The following HDAC4 variants were observed in gnomAD, a reference collection of about 807,000 sequenced individuals.
HDAC4 encodes the protein histone deacetylase 4, also known as histone deacetylase A.
In HDAC4, 16 loss-of-function variants were observed where a neutral mutation model predicts 135.1. The observed-to-expected ratio is 0.12, with a 90% CI of 0.08 to 0.18. The LOEUF (loss-of-function observed/expected upper bound fraction) is 0.18. HDAC4 is among the 10% of genes least tolerant of loss of function. The pLI is 1.00. For missense variants in HDAC4, 1,143 were observed against 1,511.8 expected, an observed-to-expected ratio of 0.76 and a Z score of 4.05; for synonymous variants, 685 against 653.4, an observed-to-expected ratio of 1.05 and a Z score of -0.74.
intron 2 of HDAC4, among the ~76,000 whole-genome samples, chr2:239,348,589 C>G (rs983998698): frequency 2.6e-5 from 4 of 152,244 alleles, no homozygotes; most frequent in Admixed American, 2.0e-4. Flanking sequence ...AGCAGGCCCC[C>G]GTGGGCTTTC....
chr2:239,232,149 C>T (rs928865344), intron 3 of HDAC4, among the ~76,000 whole-genome samples: 2 of 152,286 alleles, frequency 1.3e-5, no homozygotes, highest in Non-Finnish European at 2.9e-5. Flanking sequence ...GAACCCAACA[C>T]CCACCACTTT....
At chr2:239,359,465 G>A (rs963957741) in intron 1 of HDAC4, among the ~76,000 whole-genome samples, 2 of 152,228 alleles carry the variant, frequency 1.3e-5, no homozygotes, top group African/African-American at 2.4e-5. Flanking sequence ...CCTCTGCGCT[G>A]AGGGAAGCAG....
At chr2:239,398,938 T>G (rs1401049736) in intron 1 of HDAC4, among the ~76,000 whole-genome samples, 1 of 150,628 alleles carries the variant, frequency 6.6e-6, no homozygotes, top group Non-Finnish European at 1.5e-5. Context: ...TCTTTTCTAA[T>G]TGATTACTGC....
chr2:239,237,524 GT>G (rs2047950821), intron 2 of HDAC4, among the ~76,000 whole-genome samples: 1 of 151,106 alleles, frequency 6.6e-6, no homozygotes, highest in African/African-American at 2.4e-5. Context: ...ATGGAACTCT[GT>G]AGATACAAGT....
intron 2 of HDAC4, among the ~76,000 whole-genome samples, chr2:239,242,751 T>G (rs1188139621): frequency 6.6e-6 from 1 of 152,224 alleles, no homozygotes; most frequent in African/African-American, 2.4e-5. Context: ...CTGGAAAGTG[T>G]ATTGCTTGCT....
intron 2 of HDAC4, among the ~76,000 whole-genome samples, chr2:239,347,796 T>C (rs370628931): frequency 1.8e-4 from 28 of 152,346 alleles, no homozygotes; most frequent in African/African-American, 6.3e-4. Flanking sequence ...ATTACAGGTT[T>C]GAGCCACCGC....
chr2:239,385,174 A>C (rs1461807030), intron 1 of HDAC4, among the ~76,000 whole-genome samples: 1 of 152,122 alleles, frequency 6.6e-6, no homozygotes, highest in East Asian at 1.9e-4. Context: ...CTTTGCGTGG[A>C]GGCCCTCTCC....
chr2:239,185,553 T>C (rs1488639670), intron 4 of HDAC4, among the ~76,000 whole-genome samples: 2 of 151,976 alleles, frequency 1.3e-5, no homozygotes, highest in Non-Finnish European at 2.9e-5. Context: ...TGGGGAGAGA[T>C]GCACCCTGAG....
chr2:239,175,847 A>C (rs1234219967), intron 5 of HDAC4, among the ~76,000 whole-genome samples: 1 of 152,218 alleles, frequency 6.6e-6, no homozygotes, highest in Non-Finnish European at 1.5e-5. Flanking sequence ...TTTAAATCAA[A>C]CCAAAAGTCG....
chr2:239,132,410 T>C (rs1257906641), intron 11 of HDAC4, among the ~76,000 whole-genome samples: 1 of 152,144 alleles, frequency 6.6e-6, no homozygotes, highest in African/African-American at 2.4e-5. Context: ...GGGGAGGCTG[T>C]GCAGGAGAGA....
At chr2:239,121,645 T>C (rs2039704572) in intron 12 of HDAC4, among the ~76,000 whole-genome samples, 1 of 152,218 alleles carries the variant, frequency 6.6e-6, no homozygotes, top group South Asian at 2.1e-4. Context: ...CGCACGCCCC[T>C]CGGCCTGGAG....
In HDAC4 at chr2:239,352,730, C is replaced by T. The variant is rs773799654; in HGVS notation, c.-31G>A. 25 of 1,552,474 alleles carry T rather than the reference C, an allele frequency of 1.6e-5. No homozygotes were observed. The highest frequency in any genetic ancestry group is 2.1e-5 in the Non-Finnish European group (24 of 1,146,488). Reference sequence around the variant, plus strand: ...GCAATGTCCACTCCTTTAAGTGATTCGAAATGGCTCAAAATTTCCACGGAA... The same window carrying T: ...GCAATGTCCACTCCTTTAAGTGATTTGAAATGGCTCAAAATTTCCACGGAA... On this transcript the variant is annotated 5_prime_UTR_variant, in exon 2 of 27. Transcript: ENST00000543185. This position sits in a 1 kb window ranked among gnomAD's most constrained non-coding sequence, Gnocchi z 4.4.
At chr2:239,175,957 G>A (rs2043734503) in intron 5 of HDAC4, among the ~76,000 whole-genome samples, 1 of 152,156 alleles carries the variant, frequency 6.6e-6, no homozygotes, top group African/African-American at 2.4e-5. Flanking sequence ...AACCATGGGT[G>A]GGCTGACACA....
At chr2:239,375,572 C>A (rs952663618) in intron 1 of HDAC4, among the ~76,000 whole-genome samples, 1 of 152,248 alleles carries the variant, frequency 6.6e-6, no homozygotes, top group African/African-American at 2.4e-5. Flanking sequence ...ATGGCACTCA[C>A]GCCTACCTGG....
intron 5 of HDAC4, among the ~76,000 whole-genome samples, chr2:239,170,463 C>T (rs993828522): frequency 1.1e-4 from 16 of 152,132 alleles, no homozygotes; most frequent in African/African-American, 3.9e-4. Context: ...AAGCAAAATG[C>T]CAATTTCACA....
intron 2 of HDAC4, among the ~76,000 whole-genome samples, chr2:239,239,242 CA>C (rs2048049886): frequency 6.6e-6 from 1 of 152,218 alleles, no homozygotes; most frequent in African/African-American, 2.4e-5. Flanking sequence ...GGAGTTCCCA[CA>C]AGCCCCTCTC....
chr2:239,132,666 C>T (rs6742777), intron 11 of HDAC4, among the ~76,000 whole-genome samples: 17,162 of 152,202 alleles, frequency 0.11, 3,182 homozygotes, highest in African/African-American at 0.39. Context: ...AGAGGTGAGA[C>T]CCATGCACAC....
chr2:239,134,202 G>A, intron 11 of HDAC4, 43 bp downstream of exon 11: 4 of 1,541,264 alleles, frequency 2.6e-6, no homozygotes, highest in Non-Finnish European at 3.6e-6. Context: ...CAGAGCGTGG[G>A]CAGCCTCAGA....
At chr2:239,082,411 A>G (rs1265137544) in intron 20 of HDAC4, among the ~76,000 whole-genome samples, 190 bp from the exon 21 acceptor site, 1 of 152,234 alleles carries the variant, frequency 6.6e-6, no homozygotes, top group African/African-American at 2.4e-5. Context: ...TACGTGGTGC[A>G]GGGTCGCAGG....
Sources: gnomAD v4.1 joint callset for allele counts (sites outside exome capture counted in the v4.1 genomes callset) on GRCh38, gnomAD v4.1.1 for gene constraint, Gnocchi (gnomAD v3.1) non-coding constraint, MANE v1.5 for transcripts, NCBI Gene and HGNC (gene_info 2026-07-23, HGNC 2026-07-21) for gene names.